TBC1D8: variants seen among roughly 807,000 people sequenced by gnomAD.
TBC1D8 encodes TBC1 domain family member 8.
In TBC1D8, 65 loss-of-function variants were observed where a neutral mutation model predicts 118.8. The observed-to-expected ratio is 0.55, with a 90% CI of 0.45 to 0.67. The LOEUF (loss-of-function observed/expected upper bound fraction) is 0.67. TBC1D8 is among the 30% of genes least tolerant of loss of function. The pLI is 0.00. For synonymous variants in TBC1D8, 566 were observed against 595.8 expected, an observed-to-expected ratio of 0.95 and a Z score of 0.73; for missense variants, 1,376 against 1,471.2, an observed-to-expected ratio of 0.94 and a Z score of 1.06.
chr2:101,068,368 A>G (rs1184837849), intron 2 of TBC1D8: 1 of 256,670 alleles, frequency 3.9e-6, no homozygotes, highest in Non-Finnish European at 7.4e-6. Flanking sequence ...TCTTGGTAAT[A>G]CCGGGTTGGA....
Position 101,054,178 on chromosome 2 carries a change from C to G in TBC1D8, c.561G>C (p.Val187=). The change falls in exon 4 of 20, where the codon GTG becomes GTC. Residue 187 remains valine (V), a synonymous_variant. Coordinates refer to ENST00000409318, the MANE Select transcript of TBC1D8 (RefSeq NM_001330348.2). ...YYSCCCWKGR[V]PRQGWLYLSI... is the part of the protein sequence containing the mutation. ...TGAGGTACAGCCAGCCCTGGCGGGGCACCCTGCCCTTCCAACAGCAGCAGG... is the reference window on the plus strand; with the variant it reads ...TGAGGTACAGCCAGCCCTGGCGGGGGACCCTGCCCTTCCAACAGCAGCAGG... The G allele has an allele frequency of 6.2e-7, 1 of 1,613,602 alleles. No individual in the cohort carries two copies.
At chr2:101,041,089 G>A (rs1240151548) in intron 5 of TBC1D8, among the ~76,000 whole-genome samples, 1 of 152,216 alleles carries the variant, frequency 6.6e-6, no homozygotes, top group Non-Finnish European at 1.5e-5. Context: ...CCGCACTGCT[G>A]ATGGGAATTA....
In TBC1D8 at chr2:101,130,925, T is replaced by C. The variant is rs2104256158; in HGVS notation, c.127+20202A>G. Among the ~76,000 whole-genome samples, 3 of 152,344 alleles carry C rather than the reference T, an allele frequency of 2.0e-5. No individual in the cohort carries two copies. The South Asian group carries it at 6.2e-4, about 32-fold the overall frequency. ...ACTGCAATAATGCATATACATTATATCAAAAACTCCTGTGTTGAAGTCATT... is the reference window on the plus strand; with the variant it reads ...ACTGCAATAATGCATATACATTATACCAAAAACTCCTGTGTTGAAGTCATT... On this transcript the variant is annotated intron_variant, in intron 1 of 19. Transcript: ENST00000409318.
chr2:101,118,433 A>AC (rs1677930231), intron 1 of TBC1D8, among the ~76,000 whole-genome samples: 2 of 151,674 alleles, frequency 1.3e-5, no homozygotes, highest in South Asian at 2.1e-4. Context: ...ACAGTGGCTC[A>AC]TGCCTGTAAT....
chr2:101,094,342 C>T (rs1676254733), intron 1 of TBC1D8, among the ~76,000 whole-genome samples: 1 of 152,092 alleles, frequency 6.6e-6, no homozygotes, highest in Non-Finnish European at 1.5e-5. Context: ...AGGTTGGGGA[C>T]AGGGTTAAAG....
Position 101,007,788 on chromosome 2 carries a change from T to A in TBC1D8, c.*33A>T. The A allele has an allele frequency of 1.3e-6, 2 of 1,595,010 alleles. No homozygotes were observed. The highest frequency in any genetic ancestry group is 1.7e-6 in the Non-Finnish European group (2 of 1,167,260). ...CAGTCTGGTTCGTGCTTTGGTATGG[T>A]GGACTCCAGTGTGCATAGCAGCTGC... On this transcript the variant is annotated 3_prime_UTR_variant, in exon 20 of 20. Transcript: ENST00000409318.
intron 1 of TBC1D8, among the ~76,000 whole-genome samples, chr2:101,134,989 T>C (rs989140672): frequency 1.3e-5 from 2 of 152,088 alleles, no homozygotes; most frequent in Admixed American, 6.5e-5. Flanking sequence ...CTGGCCAACA[T>C]AGTGAAACCC....
chr2:101,073,536 C>T (rs573263986), intron 2 of TBC1D8, among the ~76,000 whole-genome samples: 22 of 152,062 alleles, frequency 1.4e-4, no homozygotes, highest in African/African-American at 2.7e-4. Flanking sequence ...CCTCGTGATC[C>T]GCCCGCCTCG....
At chr2:101,136,422 C>T (rs1016739453) in intron 1 of TBC1D8, among the ~76,000 whole-genome samples, 1 of 152,164 alleles carries the variant, frequency 6.6e-6, no homozygotes, top group Non-Finnish European at 1.5e-5. Flanking sequence ...ACGCCAGGAC[C>T]ATGATTCTTG....
At chr2:101,149,340 G>A (rs1679450336) in intron 1 of TBC1D8, among the ~76,000 whole-genome samples, 1 of 152,118 alleles carries the variant, frequency 6.6e-6, no homozygotes, top group Non-Finnish European at 1.5e-5. Flanking sequence ...AAACCCTCTG[G>A]ACAGGAAGCG....
intron 2 of TBC1D8, among the ~76,000 whole-genome samples, chr2:101,085,247 T>C (rs900514727): frequency 7.2e-5 from 11 of 152,080 alleles, no homozygotes; most frequent in African/African-American, 2.7e-4. Flanking sequence ...GATGAGTAAA[T>C]TGAGCTACAG....
chr2:101,068,634 A>G (rs905069393), intron 2 of TBC1D8: 1 of 526,202 alleles, frequency 1.9e-6, no homozygotes, highest in Non-Finnish European at 3.4e-6. Flanking sequence ...ATGGCAGAAA[A>G]GGAACAATGG....
intron 1 of TBC1D8, among the ~76,000 whole-genome samples, chr2:101,097,910 A>T (rs1259365435): frequency 5.9e-5 from 9 of 152,206 alleles, no homozygotes; most frequent in Non-Finnish European, 1.3e-4. Context: ...GTGAAACAGT[A>T]TAGTATTGTT....
Position 101,022,454 on chromosome 2 carries a change from C to T in TBC1D8, c.2588G>A (p.Arg863Gln), listed in dbSNP as rs779401993. The T allele has an allele frequency of 7.5e-5, 120 of 1,609,644 alleles. 1 individual carries two copies. In the South Asian group the frequency reaches 1.2e-3, roughly 16 times the overall value. Residue 863 changes from arginine (R) to glutamine (Q), a missense_variant, in exon 16 of 20, where the codon CGG (arginine) becomes CAG (glutamine). Coordinates refer to ENST00000409318, the MANE Select transcript of TBC1D8 (RefSeq NM_001330348.2). ...RPMASRHDPSRPYAEQYRIDA... is the reference protein window; with the variant it reads ...RPMASRHDPSQPYAEQYRIDA... ...TATGCGGTACTGCTCAGCATAGGGCCGGCTGGGGTCGTGGCGTGAGGCCAT... is the reference window on the plus strand; with the variant it reads ...TATGCGGTACTGCTCAGCATAGGGCTGGCTGGGGTCGTGGCGTGAGGCCAT...
At chr2:101,109,489 C>T (rs375412906) in intron 1 of TBC1D8, among the ~76,000 whole-genome samples, 3 of 152,066 alleles carry the variant, frequency 2.0e-5, no homozygotes, top group Non-Finnish European at 4.4e-5. Context: ...AGCAACTATA[C>T]GGAAAAATGT....
At chr2:101,092,664 G>A (rs190467302) in intron 1 of TBC1D8, among the ~76,000 whole-genome samples, 11 of 152,036 alleles carry the variant, frequency 7.2e-5, no homozygotes, top group African/African-American at 2.2e-4. Context: ...TGTGTCCTTC[G>A]GATGTGTCCT....
intron 2 of TBC1D8, among the ~76,000 whole-genome samples, chr2:101,067,270 T>A (rs749090791): frequency 1.3e-5 from 2 of 152,216 alleles, no homozygotes; most frequent in Non-Finnish European, 2.9e-5. Context: ...ATACTGGCCT[T>A]TAAGGCATTT....
At position 101,027,404 on chromosome 2, in the gene TBC1D8, C is replaced by T. The variant is rs1680400773; in HGVS notation, c.2499G>A (p.Glu833=). The T allele has an allele frequency of 6.2e-7, 1 of 1,613,166 alleles. No homozygotes were observed. Among genetic ancestry groups the T allele is most frequent in the African/African-American group, 1.3e-5 (1 of 74,930 alleles). ...PEVSILPEDL[E]ELYDLFKREH... Reference sequence around the variant, plus strand: ...GTACCTTGAATAAGTCGTAGAGCTCCTCTAGGTCTTCAGGAAGAATTGAGA... The same window carrying T: ...GTACCTTGAATAAGTCGTAGAGCTCTTCTAGGTCTTCAGGAAGAATTGAGA... Residue 833 remains glutamate, a synonymous_variant, in exon 15 of 20, where the codon GAG becomes GAA. Transcript: ENST00000409318.
chr2:101,082,255 C>G (rs1196627172), intron 2 of TBC1D8, among the ~76,000 whole-genome samples: 1 of 152,218 alleles, frequency 6.6e-6, no homozygotes, highest in Non-Finnish European at 1.5e-5. Flanking sequence ...ATAGGTAACT[C>G]TCAGCCTACA....
Sources: gnomAD v4.1 joint callset for allele counts (sites outside exome capture counted in the v4.1 genomes callset) on GRCh38, gnomAD v4.1.1 for gene constraint, MANE v1.5 for transcripts, NCBI Gene and HGNC (gene_info 2026-07-23, HGNC 2026-07-21) for gene names.